The following WWP1 variants were observed in gnomAD, a reference collection of about 807,000 sequenced individuals.
WWP1 encodes the protein WW domain containing E3 ubiquitin protein ligase 1, also known as NEDD4-like E3 ubiquitin-protein ligase WWP1.
Under a neutral mutation model 130.6 loss-of-function variants are expected in WWP1, and 49 were observed. The observed-to-expected ratio is 0.38, with a 90% CI of 0.30 to 0.48. The LOEUF (loss-of-function observed/expected upper bound fraction) is 0.48. Ranked by LOEUF, WWP1 falls within the 20% of genes least tolerant of loss-of-function variation. WWP1 has a pLI of 0.99. For synonymous variants in WWP1, 332 were observed against 367.8 expected (o/e 0.90, Z 1.11); for missense variants, 809 against 1,100.6 (o/e 0.74, Z 3.75).
intron 11 of WWP1, among the ~76,000 whole-genome samples, chr8:86,428,942 T>C (rs1371800591): frequency 6.6e-6 from 1 of 152,204 alleles, no homozygotes; most frequent in African/African-American, 2.4e-5. Flanking sequence ...AAGAATGTTA[T>C]CTTGCAAGTA....
In WWP1 at chr8:86,342,850, G is replaced by T. The variant is rs1822283025; in HGVS notation, c.-195G>T. 3.5e-5 allele frequency: 13 copies of T among 366,350 alleles called. No individual in the cohort carries two copies. The highest frequency in any genetic ancestry group is 6.3e-5 in the Non-Finnish European group (13 of 205,046). The allele number at this position is 366,350 out of a possible 1,614,324, so 22.7% of individuals were successfully genotyped here. On this transcript the variant is annotated 5_prime_UTR_variant, in exon 1 of 25. An upstream open reading frame in the 5' UTR gains an earlier in-frame stop. Coordinates refer to ENST00000517970, the MANE Select transcript of WWP1 (RefSeq NM_007013.4). ...CTGCGAGATGGCGATCTTGGGCGCGGAAGGGTGAGGGCGCCCGCCGCAGGA... is the reference window on the plus strand; with the variant it reads ...CTGCGAGATGGCGATCTTGGGCGCGTAAGGGTGAGGGCGCCCGCCGCAGGA...
rs537299328 is a variant in WWP1, at chr8:86,373,904, A to G, written c.-21-126A>G. 61 of 680,898 alleles carry G rather than the reference A, an allele frequency of 9.0e-5. 1 individual carries two copies. The highest frequency in any genetic ancestry group is 4.0e-4 in the Middle Eastern group (1 of 2,482). The allele number at this position is 680,898 out of a possible 1,614,324, so 42.2% of individuals were successfully genotyped here. On this transcript the variant is annotated intron_variant, in intron 2 of 24. Transcript: ENST00000517970. ...TAGGGTTTTCTTTTAATGGGATGGT[A>G]ATAGGCTTGATAATTTTCATGTACT...
intron 8 of WWP1, among the ~76,000 whole-genome samples, chr8:86,402,427 A>G (rs1384237668): frequency 6.8e-6 from 1 of 147,656 alleles, no homozygotes; most frequent in Non-Finnish European, 1.5e-5. Flanking sequence ...CTGGGATTAC[A>G]GGCACCCACC....
At chr8:86,412,305 G>C (rs369531114) in intron 9 of WWP1, among the ~76,000 whole-genome samples, 45 of 152,188 alleles carry the variant, frequency 3.0e-4, no homozygotes, top group African/African-American at 9.4e-4. Flanking sequence ...TTGCTGATTG[G>C]CTCTATTAAA....
intron 12 of WWP1, 141 bp downstream of exon 12, chr8:86,430,892 C>T (rs1250583829): frequency 2.4e-4 from 49 of 204,230 alleles, no homozygotes; most frequent in Non-Finnish European, 1.2e-4. Context: ...ATATATATCC[C>T]TTATAATATA....
intron 3 of WWP1, among the ~76,000 whole-genome samples, chr8:86,378,140 C>A (rs770663889): frequency 3.9e-5 from 6 of 151,916 alleles, no homozygotes; most frequent in Non-Finnish European, 7.4e-5. Context: ...TTAAAATACA[C>A]GTTTACTGTT....
intron 7 of WWP1, among the ~76,000 whole-genome samples, chr8:86,399,635 A>G (rs1807860553): frequency 6.6e-6 from 1 of 152,330 alleles, no homozygotes; most frequent in Non-Finnish European, 1.5e-5. Flanking sequence ...GCTTAAGTAC[A>G]TATATTTAAT....
intron 5 of WWP1, among the ~76,000 whole-genome samples, chr8:86,388,751 A>G (rs1490187378): frequency 1.3e-5 from 2 of 152,154 alleles, no homozygotes; most frequent in Non-Finnish European, 2.9e-5. Context: ...ACATCTTGGT[A>G]GATTATATTA....
rs1463015740 is a variant in WWP1 at position 86,411,620 on chromosome 8, GTC to G, written c.810_811del (p.Pro271LysfsTer4). The G allele has an allele frequency of 6.2e-7, 1 of 1,614,022 alleles. No homozygotes were observed. Among genetic ancestry groups the G allele is most frequent in the Non-Finnish European group, 8.5e-7 (1 of 1,180,014 alleles). Reference sequence around the variant, plus strand: ...CAGTAGTGTCTGAAGAAAATGCCTTGTCTCCAAATTGCACTAGTACTACTGTT... The same window carrying G: ...CAGTAGTGTCTGAAGAAAATGCCTTGTCCAAATTGCACTAGTACTACTGTT... ...TPVVSEENALSPNCTSTTVED... is the reference protein window; with the variant it reads ...TPVVSEENALXPNCTSTTVED... On this transcript the variant is annotated frameshift_variant, in exon 9 of 25. Coordinates refer to ENST00000517970, the MANE Select transcript of WWP1 (RefSeq NM_007013.4). LOFTEE classifies it high-confidence loss of function.
At chr8:86,453,284 C>T (rs1046699089) in intron 21 of WWP1, among the ~76,000 whole-genome samples, 7 of 152,124 alleles carry the variant, frequency 4.6e-5, no homozygotes, top group African/African-American at 1.7e-4. Context: ...TGAAATCATA[C>T]AGTATTTTAC....
At chr8:86,357,560 A>T (rs1480024100) in intron 1 of WWP1, among the ~76,000 whole-genome samples, 1 of 152,246 alleles carries the variant, frequency 6.6e-6, no homozygotes, top group African/African-American at 2.4e-5. Context: ...CACTTCCAGT[A>T]TGCCAAGCTT....
At chr8:86,414,580 T>G (rs1808776074) in intron 9 of WWP1, among the ~76,000 whole-genome samples, 1 of 152,204 alleles carries the variant, frequency 6.6e-6, no homozygotes, top group African/African-American at 2.4e-5. Flanking sequence ...TTAAAAATCT[T>G]ACCTTAGTTC....
At chr8:86,353,371 GAAAT>G (rs1286080345) in intron 1 of WWP1, among the ~76,000 whole-genome samples, 2 of 152,082 alleles carry the variant, frequency 1.3e-5, no homozygotes, top group African/African-American at 4.8e-5. Context: ...AAATATGGTT[GAAAT>G]AAACATAGGT....
In WWP1 at chr8:86,452,679, GGTT is replaced by G; in HGVS notation, c.2394+1_2394+3del. ...AGTACTTCGATGAAAAAGAATTAGA[GGTT>G]AGGCCCTTTTATTATGCTATTGTAG... On this transcript the variant is annotated splice_donor_variant and splice_donor_region_variant and intron_variant, in intron 21 of 24. Transcript: ENST00000517970. LOFTEE classifies it high-confidence loss of function. 1 of 1,611,790 alleles carries G rather than the reference GGTT, an allele frequency of 6.2e-7. No homozygotes were observed.
intron 14 of WWP1, among the ~76,000 whole-genome samples, chr8:86,432,789 G>T (rs1481842097): frequency 6.6e-6 from 1 of 151,978 alleles, no homozygotes; most frequent in Non-Finnish European, 1.5e-5. Context: ...TGTATTTTCA[G>T]TAGAGATGGG....
rs72688574 is a variant in WWP1, at chr8:86,373,200, G to A, written c.-21-830G>A. On this transcript the variant is annotated intron_variant, in intron 2 of 24. Transcript: ENST00000517970. ...CTGATTTTTAACTTAATTGTATTAC[G>A]GACAGAAACTTAGAACATTTTTTGA... Among the ~76,000 whole-genome samples the A allele has an allele frequency of 2.9e-3, 445 of 151,248 alleles. 1 individual carries two copies. The highest frequency in any genetic ancestry group is 4.9e-3 in the Non-Finnish European group (334 of 67,876).
intron 22 of WWP1, among the ~76,000 whole-genome samples, chr8:86,460,157 A>G (rs753735898): frequency 3.7e-4 from 57 of 152,230 alleles, no homozygotes; most frequent in Non-Finnish European, 6.9e-4. Context: ...TGAAATAGAT[A>G]ATTTTAGAGG....
At chr8:86,455,844 AT>A (rs1405540784) in intron 21 of WWP1, among the ~76,000 whole-genome samples, 3 of 151,918 alleles carry the variant, frequency 2.0e-5, no homozygotes. Flanking sequence ...GACTTGGAGG[AT>A]TTGCATCACC....
Position 86,425,304 on chromosome 8 carries a change from A to G in WWP1, c.1143A>G (p.Gln381=), listed in dbSNP as rs1484578655. Residue 381 remains glutamine (Q), a synonymous_variant, in exon 10 of 25, where the codon CAA becomes CAG. Transcript: ENST00000517970. ...NTRTTTWERP[Q]PLPPGWERRV... ...GAACTACCACATGGGAGAGACCACAACCTTTACCTCCAGGGTAATATAGCA... is the reference window on the plus strand; with the variant it reads ...GAACTACCACATGGGAGAGACCACAGCCTTTACCTCCAGGGTAATATAGCA... The G allele has an allele frequency of 2.5e-6, 4 of 1,612,552 alleles. No homozygotes were observed. Among genetic ancestry groups the G allele is most frequent in the Admixed American group, 3.3e-5 (2 of 59,872 alleles).
Sources: allele counts gnomAD v4.1 joint callset (sites outside exome capture counted in the v4.1 genomes callset), GRCh38; gene constraint gnomAD v4.1.1; transcripts MANE v1.5; gene names NCBI Gene and HGNC (gene_info 2026-07-23, HGNC 2026-07-21).